DHX9: variants seen among roughly 807,000 people sequenced by gnomAD.
DHX9 encodes the protein DExH-box helicase 9.
DHX9 carries 27 observed loss-of-function variants against 148.7 expected under a neutral mutation model. The ratio of observed to expected loss-of-function variants is 0.18; its 90% CI spans 0.13 to 0.25. The LOEUF is 0.25. Among genes scored for constraint, DHX9 ranks in the 10% least tolerant of loss-of-function variants. The pLI, the probability that DHX9 is intolerant of heterozygous loss-of-function variation, is 1.00. For missense variants in DHX9, 796 were observed against 1,559.6 expected (o/e 0.51, Z 8.25); for synonymous variants, 529 against 516.6 (o/e 1.02, Z -0.33).
chr1:182,873,615 C>T (rs1334697491), intron 15 of DHX9, among the ~76,000 whole-genome samples: 6 of 152,090 alleles, frequency 3.9e-5, no homozygotes, highest in East Asian at 1.9e-4. Context: ...TCAGTACGAA[C>T]GTGTGTTTAG....
chr1:182,840,523 C>T (rs1167388149), intron 1 of DHX9, among the ~76,000 whole-genome samples: 2 of 152,122 alleles, frequency 1.3e-5, no homozygotes, highest in South Asian at 2.1e-4. Context: ...TGGTCTCGAT[C>T]TCTCGACCTC....
intron 5 of DHX9, among the ~76,000 whole-genome samples, chr1:182,853,778 C>T (rs1308239530): frequency 6.6e-6 from 1 of 151,142 alleles, no homozygotes; most frequent in Non-Finnish European, 1.5e-5. Flanking sequence ...TTAAAACAAG[C>T]ACAAAGAAGT....
At chr1:182,879,555 C>T (rs1363160678) in intron 21 of DHX9, 145 bp downstream of exon 21, 1 of 635,854 alleles carries the variant, frequency 1.6e-6, no homozygotes, top group Non-Finnish European at 2.3e-6. Flanking sequence ...CCAGTCTTAC[C>T]TTAGATAGTT....
At position 182,884,620 on chromosome 1, in the gene DHX9, C is replaced by G; in HGVS notation, c.3268C>G (p.Leu1090Val). Residue 1090 changes from leucine (L) to valine (V), a missense_variant, in exon 27 of 28, where the codon CTG (leucine) becomes GTG (valine). Leu to Val is a conservative substitution (Grantham distance 32, BLOSUM62 1). Around this residue, in one of 14 missense-constraint regions of DHX9, gnomAD observed 86 missense variants for 156.3 expected, o/e 0.55. Coordinates refer to ENST00000367549, the MANE Select transcript of DHX9 (RefSeq NM_001357.5). ...TGTATTTCGCCACTTTAGGATTAAACTGCAAATATCTCATGAAGCTGCTGC... is the reference window on the plus strand; with the variant it reads ...TGTATTTCGCCACTTTAGGATTAAAGTGCAAATATCTCATGAAGCTGCTGC... ...QIVLVDDWIKLQISHEAAACI... is the reference protein window; with the variant it reads ...QIVLVDDWIKVQISHEAAACI... The G allele has an allele frequency of 6.2e-7, 1 of 1,613,976 alleles. No individual in the cohort carries two copies. Among genetic ancestry groups the G allele is most frequent in the Middle Eastern group, 1.7e-4 (1 of 6,058 alleles).
chr1:182,866,735 A>G (rs1648312364), intron 13 of DHX9, 150 bp downstream of exon 13: 7 of 1,001,942 alleles, frequency 7.0e-6, no homozygotes, highest in African/African-American at 1.6e-5. Flanking sequence ...TCCTTCATGG[A>G]AAGTATGATA....
At position 182,887,601 on chromosome 1, in the gene DHX9, G is replaced by T; in HGVS notation, c.*167G>T. On this transcript the variant is annotated 3_prime_UTR_variant, in exon 28 of 28. Transcript: ENST00000367549. The stretch of plus-strand genomic sequence containing the variant: ...AAACCAAGCATATAGATGCATTAGT[G>T]ATTTTGTTTATATTATGTAAAATAT... 1.7e-6 allele frequency: 1 copy of T among 594,186 alleles called. No individual in the cohort carries two copies. Among genetic ancestry groups the T allele is most frequent in the Non-Finnish European group, 3.0e-6 (1 of 336,148 alleles). The allele number at this position is 594,186 out of a possible 1,614,324, so 36.8% of individuals were successfully genotyped here. A position where few individuals can be genotyped will look rare whatever the true frequency, so the allele number is the denominator to read the frequency against.
At chr1:182,875,312 C>T in intron 16 of DHX9, 1 of 420,874 alleles carries the variant, frequency 2.4e-6, no homozygotes, top group Admixed American at 2.7e-5. Flanking sequence ...AGACAGAATG[C>T]TGTGCCCCAC....
chr1:182,848,172 C>T (rs1181061882), intron 3 of DHX9, among the ~76,000 whole-genome samples: 1 of 152,198 alleles, frequency 6.6e-6, no homozygotes, highest in Non-Finnish European at 1.5e-5. Flanking sequence ...ACATTGTCAC[C>T]CTCAGGTTAC....
intron 4 of DHX9, 123 bp from the exon 5 acceptor site, chr1:182,853,183 C>T (rs1487455572): frequency 1.8e-5 from 12 of 673,696 alleles, no homozygotes; most frequent in African/African-American, 9.3e-5. Flanking sequence ...CCTCAGCGTC[C>T]GGAAGTGCTG....
At chr1:182,880,706 A>C in intron 22 of DHX9, 98 bp downstream of exon 22, 2 of 744,352 alleles carry the variant, frequency 2.7e-6, no homozygotes, top group Non-Finnish European at 4.4e-6. Context: ...AGACAAAAAA[A>C]AAATCCTAAA....
intron 3 of DHX9, among the ~76,000 whole-genome samples, chr1:182,850,221 CTT>C (rs1436305909): frequency 6.6e-6 from 1 of 151,978 alleles, no homozygotes; most frequent in African/African-American, 2.4e-5. Context: ...ATACTTGTGT[CTT>C]TTTGTAATGA....
At chr1:182,882,863 CAAAA>C (rs796875709) in intron 24 of DHX9, among the ~76,000 whole-genome samples, 13 of 83,852 alleles carry the variant, frequency 1.6e-4, no homozygotes, top group Non-Finnish European at 2.5e-4. Context: ...AGACTCGTCT[CAAAA>C]AAAAAAAAAA....
intron 7 of DHX9, among the ~76,000 whole-genome samples, chr1:182,857,176 A>G (rs937570720): frequency 3.3e-5 from 5 of 152,112 alleles, no homozygotes; most frequent in African/African-American, 1.2e-4. Context: ...TATATATACA[A>G]TGAGTTATTT....
At chr1:182,858,410 A>G (rs1204239463) in intron 8 of DHX9, 141 bp from the exon 9 acceptor site, 8 of 1,051,996 alleles carry the variant, frequency 7.6e-6, no homozygotes, top group South Asian at 1.6e-5. Flanking sequence ...CAGTGAGTAA[A>G]TAATCATTGA....
At chr1:182,842,477 T>C (rs1667950539) in intron 1 of DHX9, 68 bp from the exon 2 acceptor site, 1 of 811,258 alleles carries the variant, frequency 1.2e-6, no homozygotes, top group African/African-American at 1.7e-5. Flanking sequence ...TTCAGTAATC[T>C]AGATAATTGG....
Position 182,876,377 on chromosome 1 carries a change from A to G in DHX9, c.2030-70A>G, listed in dbSNP as rs558828248. 1.2e-3 allele frequency: 1,883 copies of G among 1,560,072 alleles called. 6 individuals carry two copies. Among genetic ancestry groups the G allele is most frequent in the Middle Eastern group, 1.4e-3 (8 of 5,828 alleles). ...ATTGTTTCTACTTTCGAATAAAAAT[A>G]TGTATAATGGAGAGCTGTTTGAAAC... is the stretch of plus-strand genomic sequence containing the variant. On this transcript the variant is annotated intron_variant, in intron 17 of 27. Coordinates refer to ENST00000367549, the MANE Select transcript of DHX9 (RefSeq NM_001357.5).
At chr1:182,839,711 A>G (rs1266753927) in intron 1 of DHX9, 1 of 152,200 alleles carries the variant, frequency 6.6e-6, no homozygotes. Context: ...TGCTGCCTCT[A>G]GCAGGCAAAG....
intron 24 of DHX9, 116 bp downstream of exon 24, chr1:182,881,763 C>T: frequency 1.8e-6 from 2 of 1,105,116 alleles, no homozygotes; most frequent in Non-Finnish European, 2.5e-6. Flanking sequence ...TTTATATATT[C>T]CCGACTATTT....
intron 3 of DHX9, among the ~76,000 whole-genome samples, chr1:182,849,454 G>A (rs1022155836): frequency 2.0e-5 from 3 of 152,124 alleles, no homozygotes; most frequent in African/African-American, 7.2e-5. Flanking sequence ...TTTAAGAATA[G>A]TGTCAATATA....
Sources: gnomAD v4.1 joint callset for allele counts (sites outside exome capture counted in the v4.1 genomes callset) on GRCh38, gnomAD v4.1.1 for gene constraint, gnomAD v4.1.1 regional missense constraint, MANE v1.5 for transcripts, NCBI Gene and HGNC (gene_info 2026-07-23, HGNC 2026-07-21) for gene names.